The following MAPRE2 variants were observed in gnomAD, a reference collection of about 807,000 sequenced individuals.
MAPRE2 encodes microtubule-associated protein RP/EB family member 2.
A neutral mutation model predicts 43.2 loss-of-function variants in MAPRE2; 13 were observed. The ratio of observed to expected loss-of-function variants is 0.30; its 90% CI spans 0.20 to 0.48. MAPRE2 has a LOEUF of 0.48. Ranked by LOEUF, MAPRE2 falls within the 20% of genes least tolerant of loss-of-function variation. The pLI is 0.99. For synonymous variants in MAPRE2, 135 were observed against 148.8 expected (o/e 0.91, Z 0.68); for missense variants, 161 against 400.2 (o/e 0.40, Z 5.10).
At chr18:34,999,634 C>G (rs1227246096) in intron 1 of MAPRE2, among the ~76,000 whole-genome samples, 1 of 152,120 alleles carries the variant, frequency 6.6e-6, no homozygotes, top group African/African-American at 2.4e-5. Context: ...TATATACCAC[C>G]CAAATCCATT....
intron 1 of MAPRE2, among the ~76,000 whole-genome samples, chr18:35,056,222 C>T (rs2150609623): frequency 6.6e-6 from 1 of 152,042 alleles, no homozygotes; most frequent in East Asian, 1.9e-4. Context: ...AATATTTTAA[C>T]TTTAAATAAT....
At chr18:35,060,960 T>C (rs1906494243) in intron 1 of MAPRE2, among the ~76,000 whole-genome samples, 1 of 152,214 alleles carries the variant, frequency 6.6e-6, no homozygotes. Flanking sequence ...CTTGGTGATA[T>C]GGCAAGAAAG....
rs571214084 is a variant in MAPRE2, at chr18:35,142,962, C to T, written c.*2593C>T. 19 of 151,810 alleles carry T rather than the reference C, an allele frequency of 1.3e-4. No individual in the cohort carries two copies. Among genetic ancestry groups the T allele is most frequent in the African/African-American group, 4.1e-4 (17 of 41,392 alleles). The allele number at this position is 151,810 out of a possible 1,614,324, so 9.4% of individuals were successfully genotyped here. A position where few individuals can be genotyped will look rare whatever the true frequency, so the allele number is the denominator to read the frequency against. On this transcript the variant is annotated 3_prime_UTR_variant, in exon 7 of 7. Transcript: ENST00000300249. ...CAGTTTCATCCTTAGTACCCCCCCT[C>T]GTGCCCGCTGTCGGCTGGTTATAGC...
At chr18:34,984,288 T>C (rs2097017884) in intron 1 of MAPRE2, 1 of 152,132 alleles carries the variant, frequency 6.6e-6, no homozygotes, top group Admixed American at 6.6e-5. Context: ...ACTTCTTCCT[T>C]TTGATGAATT....
Position 35,049,865 on chromosome 18 carries a change from A to C in MAPRE2, c.122+8204A>C, listed in dbSNP as rs74675946. 2.3e-4 allele frequency among the ~76,000 whole-genome samples: 35 copies of C among 152,356 alleles called. 1 individual carries two copies. The East Asian group carries it at 5.2e-3, about 23-fold the overall frequency. ...ACCTCTATATTTGTCTTACGAACAT[A>C]GCCTTGAGGCACAAGCTTGGGCATT... On this transcript the variant is annotated intron_variant, in intron 1 of 6. Coordinates refer to ENST00000300249, the MANE Select transcript of MAPRE2 (RefSeq NM_014268.4).
intron 1 of MAPRE2, among the ~76,000 whole-genome samples, chr18:34,995,341 T>C (rs967090863): frequency 6.6e-5 from 10 of 152,174 alleles, no homozygotes; most frequent in African/African-American, 2.4e-4. Flanking sequence ...TCTTCCTATC[T>C]CTCAAGCACA....
At chr18:35,007,956 C>A (rs1372563273) in intron 2 of MAPRE2, among the ~76,000 whole-genome samples, 2 of 152,096 alleles carry the variant, frequency 1.3e-5, no homozygotes, top group Non-Finnish European at 2.9e-5. Flanking sequence ...TTGCTGGATT[C>A]AGTGGGCCAA....
intron 1 of MAPRE2, among the ~76,000 whole-genome samples, chr18:35,057,571 C>T (rs1203749208): frequency 2.0e-5 from 3 of 150,556 alleles, no homozygotes; most frequent in African/African-American, 7.3e-5. Flanking sequence ...ACTTCTAATG[C>T]AAAAGTCTGT....
At position 35,079,736 on chromosome 18, in the gene MAPRE2, C is replaced by T. The variant is rs116283731; in HGVS notation, c.250+9414C>T. On this transcript the variant is annotated intron_variant, in intron 2 of 6. Transcript: ENST00000300249. ...TGTAAGTCAAATCCCTGTTAGATTT[C>T]TGTATCCAGTATAGTGAAACAATTT... 7.2e-3 allele frequency among the ~76,000 whole-genome samples: 1,094 copies of T among 152,316 alleles called. 15 individuals carry two copies. The highest frequency in any genetic ancestry group is 0.025 in the African/African-American group (1,023 of 41,570).
At chr18:35,117,981 A>G (rs922247392) in intron 4 of MAPRE2, among the ~76,000 whole-genome samples, 1 of 152,110 alleles carries the variant, frequency 6.6e-6, no homozygotes, top group Non-Finnish European at 1.5e-5. Context: ...GAGTGACTCA[A>G]GCAGAGCCTG....
At chr18:35,060,865 C>G (rs1006119291) in intron 1 of MAPRE2, among the ~76,000 whole-genome samples, 3 of 152,094 alleles carry the variant, frequency 2.0e-5, no homozygotes, top group Non-Finnish European at 4.4e-5. Flanking sequence ...AGGTGACTTA[C>G]GGAATGTCCT....
chr18:35,059,563 A>C (rs1906414237), intron 1 of MAPRE2, among the ~76,000 whole-genome samples: 2 of 152,352 alleles, frequency 1.3e-5, no homozygotes, highest in South Asian at 4.1e-4. Context: ...TTCTGCCTTC[A>C]TAGAGCTTAC....
chr18:35,074,398 C>T (rs1216329687), intron 2 of MAPRE2, among the ~76,000 whole-genome samples: 1 of 151,834 alleles, frequency 6.6e-6, no homozygotes, highest in Non-Finnish European at 1.5e-5. Flanking sequence ...TCTCTAAAAG[C>T]TTTAGCAACT....
At chr18:35,096,919 G>A (rs549965423) in intron 2 of MAPRE2, among the ~76,000 whole-genome samples, 2 of 152,214 alleles carry the variant, frequency 1.3e-5, no homozygotes, top group South Asian at 2.1e-4. Context: ...CACCTGTGTG[G>A]TATTTTGTAA....
chr18:34,983,405 T>A (rs1012287128), intron 1 of MAPRE2, among the ~76,000 whole-genome samples: 2 of 152,182 alleles, frequency 1.3e-5, no homozygotes, highest in Non-Finnish European at 2.9e-5. Context: ...TGTGAAAACA[T>A]GTCCTTAAGA....
intron 2 of MAPRE2, among the ~76,000 whole-genome samples, chr18:35,086,686 A>G (rs1273888237): frequency 1.3e-5 from 2 of 152,114 alleles, no homozygotes; most frequent in African/African-American, 4.8e-5. Flanking sequence ...TTTTCTTAAA[A>G]AAAAAAAATT....
intron 5 of MAPRE2, 96 bp from the exon 6 acceptor site, chr18:35,131,936 T>C: frequency 8.3e-7 from 1 of 1,210,338 alleles, no homozygotes; most frequent in Non-Finnish European, 1.2e-6. Context: ...TGCTTCTCTC[T>C]CTCTCTCTCT....
intron 1 of MAPRE2, among the ~76,000 whole-genome samples, chr18:35,048,112 C>T (rs1214445654): frequency 3.9e-5 from 6 of 152,148 alleles, no homozygotes; most frequent in Admixed American, 1.3e-4. Context: ...TCTGGGGAGG[C>T]CTCAGGGAGC....
chr18:35,068,289 A>G (rs967031449), intron 1 of MAPRE2, among the ~76,000 whole-genome samples: 2 of 152,216 alleles, frequency 1.3e-5, no homozygotes, highest in African/African-American at 4.8e-5. Flanking sequence ...AAAAGGAATC[A>G]GGAGCGCTTG....
Sources: allele counts gnomAD v4.1 joint callset (sites outside exome capture counted in the v4.1 genomes callset), GRCh38; gene constraint gnomAD v4.1.1; transcripts MANE v1.5; gene names NCBI Gene and HGNC (gene_info 2026-07-23, HGNC 2026-07-21).